Variants in SLC2A9 observed in about 807,000 individuals in gnomAD.
SLC2A9 encodes solute carrier family 2, facilitated glucose transporter member 9.
SLC2A9 carries 39 observed loss-of-function variants against 50.6 expected under a neutral mutation model. The ratio of observed to expected loss-of-function variants is 0.77; its 90% CI spans 0.60 to 1.01. The LOEUF (loss-of-function observed/expected upper bound fraction) is 1.01. Ranked by LOEUF, SLC2A9 falls within the 50% of genes least tolerant of loss-of-function variation. The pLI is 0.00. For synonymous variants in SLC2A9, 324 were observed against 276.9 expected (o/e 1.17, Z -1.69); for missense variants, 686 against 677.6 (o/e 1.01, Z -0.14).
chr4:9,886,401 C>A (rs1736221276), intron 10 of SLC2A9, among the ~76,000 whole-genome samples: 1 of 148,798 alleles, frequency 6.7e-6, no homozygotes, highest in Non-Finnish European at 1.5e-5. Flanking sequence ...TTTCTTGCAG[C>A]CGTTCTGACC....
intron 10 of SLC2A9, among the ~76,000 whole-genome samples, chr4:9,876,340 C>A (rs373456579): frequency 5.9e-5 from 9 of 152,340 alleles, no homozygotes; most frequent in African/African-American, 2.2e-4. Context: ...TGCTTGTAAT[C>A]TCAGCACTTT....
At chr4:10,020,904 G>A (rs112655176) in intron 1 of SLC2A9, among the ~76,000 whole-genome samples, 9 of 152,256 alleles carry the variant, frequency 5.9e-5, no homozygotes, top group South Asian at 2.1e-4. Context: ...CCCTCCACCC[G>A]CTCCCCACTC....
intron 1 of SLC2A9, among the ~76,000 whole-genome samples, chr4:10,039,403 T>C (rs1764207423): frequency 1.3e-5 from 2 of 152,208 alleles, no homozygotes; most frequent in South Asian, 2.1e-4. Context: ...AACTGGAAGG[T>C]ATGCAAAAGC....
chr4:9,986,172 G>A (rs1389997820), intron 3 of SLC2A9, among the ~76,000 whole-genome samples: 1 of 152,178 alleles, frequency 6.6e-6, no homozygotes, highest in Non-Finnish European at 1.5e-5. Flanking sequence ...ATAGGGAATT[G>A]GTTAAGTGGA....
At chr4:9,773,369 C>T (rs2108818107) in intron 1 of SLC2A9, among the ~76,000 whole-genome samples, 1 of 152,298 alleles carries the variant, frequency 6.6e-6, no homozygotes, top group African/African-American at 2.4e-5. Context: ...GCTTTCATTG[C>T]TGTAATACAG....
chr4:9,776,383 C>T (rs995741036), downstream of SLC2A9, among the ~76,000 whole-genome samples: 2 of 151,972 alleles, frequency 1.3e-5, no homozygotes, highest in African/African-American at 4.8e-5. Flanking sequence ...AGCCTGGATA[C>T]CCCACTGTTG....
intron 5 of SLC2A9, among the ~76,000 whole-genome samples, chr4:9,946,206 T>A (rs1354480414): frequency 6.7e-6 from 1 of 148,766 alleles, no homozygotes; most frequent in Admixed American, 6.8e-5. Context: ...GATTTTTAAC[T>A]CCCAGTCAGG....
intron 7 of SLC2A9, among the ~76,000 whole-genome samples, chr4:9,914,706 T>C (rs958970483): frequency 2.0e-5 from 3 of 152,118 alleles, no homozygotes; most frequent in Admixed American, 6.6e-5. Flanking sequence ...GCAATTGCTA[T>C]GGTGGTGAGA....
intron 1 of SLC2A9, chr4:10,035,375 A>G (rs925245535): frequency 6.6e-6 from 1 of 152,206 alleles, no homozygotes; most frequent in African/African-American, 2.4e-5. Context: ...CTGGGGGACT[A>G]AGATGTTCAG....
rs572138044 is a variant in SLC2A9 at position 9,802,464 on chromosome 4, G to C, written n.421-3223C>G. Among the ~76,000 whole-genome samples, 11 of 152,132 alleles carry C rather than the reference G, an allele frequency of 7.2e-5. No individual in the cohort carries two copies. The East Asian group carries it at 2.1e-3, about 29-fold the overall frequency. The stretch of plus-strand genomic sequence containing the variant: ...GGCTCTGTGGCCGATATGATATGGA[G>C]GAAGGGACTGGGTGAATCTCCATGC... On this transcript the variant is annotated intron_variant and non_coding_transcript_variant, in intron 3 of 3. Coordinates refer to the SLC2A9 transcript ENST00000503280.
downstream of SLC2A9, among the ~76,000 whole-genome samples, chr4:9,821,831 G>T (rs1724444892): frequency 6.6e-6 from 1 of 151,920 alleles, no homozygotes; most frequent in Admixed American, 6.6e-5. Context: ...TCAGTATTTG[G>T]TAGAATTTTC....
rs556950057 is a variant in SLC2A9 at position 9,867,366 on chromosome 4, G to A, written c.1291+20201C>T. ...GTGGGTTTCTCATGTCAGCTGAGGC[G>A]GCTGGAGTAGAATGTCTCCCTTTCT... On this transcript the variant is annotated intron_variant, in intron 10 of 11. Transcript: ENST00000264784. Among the ~76,000 whole-genome samples the A allele has an allele frequency of 1.5e-4, 23 of 152,308 alleles. No individual in the cohort carries two copies. The East Asian group carries it at 2.5e-3, about 17-fold the overall frequency.
intron 3 of SLC2A9, among the ~76,000 whole-genome samples, chr4:9,805,637 G>A (rs1054533487): frequency 2.0e-5 from 3 of 151,098 alleles, no homozygotes; most frequent in African/African-American, 7.3e-5. Context: ...GAAGATGGAG[G>A]TTGTAGTGAG....
chr4:10,016,073 A>C (rs1762560198), intron 2 of SLC2A9, among the ~76,000 whole-genome samples: 1 of 152,148 alleles, frequency 6.6e-6, no homozygotes, highest in Non-Finnish European at 1.5e-5. Flanking sequence ...AGTATGCATG[A>C]CGAGCCGTGG....
intron 1 of SLC2A9, among the ~76,000 whole-genome samples, chr4:9,773,148 G>T (rs572428363): frequency 6.6e-6 from 1 of 152,198 alleles, no homozygotes; most frequent in Non-Finnish European, 1.5e-5. Context: ...CTGGGAAGAG[G>T]GACTGAGCTT....
chr4:9,794,823 T>C (rs1411945811), downstream of SLC2A9, among the ~76,000 whole-genome samples: 3 of 152,066 alleles, frequency 2.0e-5, no homozygotes, highest in Non-Finnish European at 4.4e-5. Flanking sequence ...GATCTGATAC[T>C]TTGGATTCCA....
intron 4 of SLC2A9, among the ~76,000 whole-genome samples, chr4:9,983,077 A>G (rs189674790): frequency 1.0e-3 from 157 of 152,260 alleles, no homozygotes; most frequent in African/African-American, 3.6e-3. Context: ...CATGTTGGTC[A>G]GGCTGCTCTC....
At chr4:9,936,571 G>A (rs1747121716) in intron 6 of SLC2A9, among the ~76,000 whole-genome samples, 1 of 152,240 alleles carries the variant, frequency 6.6e-6, no homozygotes, top group Admixed American at 6.5e-5. Flanking sequence ...CACTGTCATG[G>A]CTAAGAAAAA....
At chr4:9,831,099 T>G (rs1726067177) in intron 11 of SLC2A9, among the ~76,000 whole-genome samples, 1 of 152,144 alleles carries the variant, frequency 6.6e-6, no homozygotes. Flanking sequence ...AGCCCAGGCT[T>G]CTTAGGGGTC....
Sources: allele counts gnomAD v4.1 joint callset (sites outside exome capture counted in the v4.1 genomes callset), GRCh38; gene constraint gnomAD v4.1.1; transcripts MANE v1.5; gene names NCBI Gene and HGNC (gene_info 2026-07-23, HGNC 2026-07-21).